The following C12orf42 variants were observed in gnomAD, a reference collection of about 807,000 sequenced individuals.
C12orf42 encodes uncharacterized protein C12orf42.
In C12orf42, 25 loss-of-function variants were observed where a neutral mutation model predicts 21.6. The observed-to-expected ratio is 1.16, with a 90% CI of 0.84 to 1.62. The LOEUF is 1.62. C12orf42 is among the 40% of genes most tolerant of loss of function. The probability of loss-of-function intolerance (pLI) is 0.00; values close to 1 mark genes in which losing one functional copy is unlikely to be tolerated. For synonymous variants in C12orf42, 174 were observed against 175.0 expected (o/e 0.99, Z 0.05); for missense variants, 483 against 459.3 (o/e 1.05, Z -0.47).
the C12orf42 span, among the ~76,000 whole-genome samples, chr12:103,551,781 T>C: frequency 5.9e-5 from 9 of 151,942 alleles, no homozygotes; most frequent in African/African-American, 1.7e-4. Context: ...CTTGCTACTA[T>C]ACTCCAGCCT....
At chr12:103,358,020 A>G (rs1411520399) in intron 4 of C12orf42, among the ~76,000 whole-genome samples, 1 of 152,006 alleles carries the variant, frequency 6.6e-6, no homozygotes, top group African/African-American at 2.4e-5. Flanking sequence ...AAATTGGTAG[A>G]CTGGTTGGTA....
chr12:103,064,213 C>T, the C12orf42 span, among the ~76,000 whole-genome samples: 1 of 152,130 alleles, frequency 6.6e-6, no homozygotes, highest in Non-Finnish European at 1.5e-5. Context: ...TTTGCAGAGC[C>T]CTGTAATTGC....
chr12:103,068,934 C>CATATATATAT, the C12orf42 span, among the ~76,000 whole-genome samples: 7 of 48,136 alleles, frequency 1.5e-4, no homozygotes, highest in African/African-American at 2.9e-4. Flanking sequence ...TCTCTCTCCA[C>CATATATATAT]ATATATATAT....
the C12orf42 span, among the ~76,000 whole-genome samples, chr12:103,048,117 G>T: frequency 6.6e-6 from 1 of 152,016 alleles, no homozygotes; most frequent in Non-Finnish European, 1.5e-5. Flanking sequence ...GTGCAGGAAG[G>T]CAAAGGAGGG....
chr12:103,344,599 G>A (rs1028072111), intron 4 of C12orf42, among the ~76,000 whole-genome samples: 4 of 152,064 alleles, frequency 2.6e-5, no homozygotes, highest in Non-Finnish European at 4.4e-5. Flanking sequence ...CAGGTGATTG[G>A]GTAAGCCCTG....
chr12:103,050,640 T>G, the C12orf42 span, among the ~76,000 whole-genome samples: 1 of 152,036 alleles, frequency 6.6e-6, no homozygotes, highest in Non-Finnish European at 1.5e-5. Flanking sequence ...CAAGCAGCCC[T>G]AGACTCTTCA....
chr12:103,175,944 C>T, the C12orf42 span, among the ~76,000 whole-genome samples: 1 of 152,174 alleles, frequency 6.6e-6, no homozygotes, highest in Non-Finnish European at 1.5e-5. Context: ...CTTAGATCAG[C>T]ACACTGGATG....
At chr12:103,060,375 A>G in the C12orf42 span, among the ~76,000 whole-genome samples, 4 of 152,334 alleles carry the variant, frequency 2.6e-5, no homozygotes, top group African/African-American at 7.2e-5. Context: ...AGGAAGAATC[A>G]ATATCGTGAA....
intron 1 of C12orf42, among the ~76,000 whole-genome samples, chr12:103,479,002 T>C (rs1341129163): frequency 2.0e-5 from 3 of 152,070 alleles, no homozygotes; most frequent in Non-Finnish European, 4.4e-5. Context: ...GAACTTTGAG[T>C]TTTCGTCTTA....
intron 3 of C12orf42, among the ~76,000 whole-genome samples, chr12:103,376,382 A>T (rs2045695377): frequency 6.6e-6 from 1 of 152,044 alleles, no homozygotes; most frequent in Non-Finnish European, 1.5e-5. Context: ...CAGGGAGGGG[A>T]ACATCACACA....
the C12orf42 span, chr12:103,549,735 T>A: frequency 1.3e-5 from 2 of 152,250 alleles, no homozygotes. Flanking sequence ...GTCATTTTTT[T>A]AAATTACTAC....
intron 4 of C12orf42, among the ~76,000 whole-genome samples, chr12:103,286,257 T>A (rs1166512091): frequency 2.3e-5 from 2 of 86,932 alleles, no homozygotes; most frequent in Non-Finnish European, 4.8e-5. Flanking sequence ...TCTCAAAAAA[T>A]AAATAAATAA....
rs890698784 is a variant in C12orf42, at chr12:103,486,738, T to G, written c.-21-8291A>C. Reference sequence around the variant, plus strand: ...ATCCATTTCTTCTAGATTTTCTAGCTTATTTGTGTAGAGGTGTTTACAGTA... The same window carrying G: ...ATCCATTTCTTCTAGATTTTCTAGCGTATTTGTGTAGAGGTGTTTACAGTA... On this transcript the variant is annotated intron_variant, in intron 1 of 5. Coordinates refer to ENST00000548883, the MANE Select transcript of C12orf42 (RefSeq NM_198521.5). 9.8e-5 allele frequency among the ~76,000 whole-genome samples: 15 copies of G among 152,324 alleles called. No homozygotes were observed. The South Asian group carries it at 1.2e-3, about 13-fold the overall frequency.
chr12:103,393,514 C>A (rs941711748), intron 3 of C12orf42, among the ~76,000 whole-genome samples: 3 of 152,112 alleles, frequency 2.0e-5, no homozygotes, highest in Non-Finnish European at 4.4e-5. Flanking sequence ...ACTATACTAG[C>A]TTCTGCTGCT....
At chr12:103,234,343 A>G (rs1453471599), downstream of C12orf42, among the ~76,000 whole-genome samples, 2 of 152,058 alleles carry the variant, frequency 1.3e-5, no homozygotes, top group Admixed American at 6.5e-5. Flanking sequence ...CATTTTCTAT[A>G]TCTTATAATT....
chr12:103,122,411 CATTT>C, the C12orf42 span, among the ~76,000 whole-genome samples: 4,976 of 152,220 alleles, frequency 0.033, 152 homozygotes, highest in African/African-American at 0.085. Flanking sequence ...TTCATTCATT[CATTT>C]GACAAATATT....
At chr12:103,324,895 T>C (rs1158874059) in intron 4 of C12orf42, among the ~76,000 whole-genome samples, 1 of 152,184 alleles carries the variant, frequency 6.6e-6, no homozygotes, top group Non-Finnish European at 1.5e-5. Flanking sequence ...CTGACATTGG[T>C]GTTGAACTAT....
Position 103,493,575 on chromosome 12 carries a change from G to A in C12orf42, c.-22+2327C>T, listed in dbSNP as rs769561627. On this transcript the variant is annotated intron_variant, in intron 1 of 5. Coordinates refer to ENST00000548883, the MANE Select transcript of C12orf42 (RefSeq NM_198521.5). ...AATGTGATTTCCTCAGAGAGGACTT[G>A]GCCACCCTAAACCAAAGGGAACCTC... Among the ~76,000 whole-genome samples the A allele has an allele frequency of 1.1e-4, 16 of 151,884 alleles. No individual in the cohort carries two copies. The East Asian group carries it at 1.4e-3, about 13-fold the overall frequency.
chr12:103,158,160 T>C, the C12orf42 span, among the ~76,000 whole-genome samples: 1 of 152,228 alleles, frequency 6.6e-6, no homozygotes, highest in Admixed American at 6.5e-5. Context: ...GTGGATTATC[T>C]CTGATATTCC....
Sources: gnomAD v4.1 joint callset for allele counts (sites outside exome capture counted in the v4.1 genomes callset) on GRCh38, gnomAD v4.1.1 for gene constraint, MANE v1.5 for transcripts, NCBI Gene and HGNC (gene_info 2026-07-23, HGNC 2026-07-21) for gene names.